Variants in CNGB3 observed in about 807,000 individuals in gnomAD.
CNGB3 encodes the protein cyclic nucleotide-gated channel beta-3.
Under a neutral mutation model 92.8 loss-of-function variants are expected in CNGB3, and 86 were observed. The observed-to-expected ratio is 0.93, with a 90% confidence interval of 0.78 to 1.11. The LOEUF (loss-of-function observed/expected upper bound fraction) is 1.11, where lower values mean the gene tolerates loss of function less well. Ranked by LOEUF, CNGB3 falls within the 50% of genes least tolerant of loss-of-function variation. CNGB3 has a pLI of 0.00. For missense variants in CNGB3, 1,026 were observed against 956.8 expected, an observed-to-expected ratio of 1.07 and a Z score of -0.95; for synonymous variants, 333 against 332.7, an observed-to-expected ratio of 1.00 and a Z score of -0.01.
chr8:86,579,126 C>A lies in CNGB3; in HGVS notation c.1908G>T (p.Arg636Ser), dbSNP rs546000013. 4.5e-5 allele frequency: 73 copies of A among 1,614,140 alleles called. 2 individuals carry two copies. The South Asian group carries it at 7.7e-4, about 17-fold the overall frequency. The change falls in exon 16 of 18, where the codon AGG (arginine) becomes AGT (serine). Residue 636 changes from arginine (R) to serine (S), a missense_variant. By Grantham distance (110) the Arg-to-Ser change is moderately radical. Transcript: ENST00000320005. ...EILVHYPDSE[R>S]ILMKKARVLL... ...TGTACCTGGCTTTCTTCATGAGGAT[C>A]CTTTCAGAATCTGGATAATGCACTA...
chr8:86,657,874 C>T lies in CNGB3; in HGVS notation c.853-3812G>A, dbSNP rs184092186. 5.0e-4 allele frequency: 271 copies of T among 538,532 alleles called. 2 individuals are homozygous for T. Among genetic ancestry groups the T allele is most frequent in the African/African-American group, 4.0e-3 (210 of 52,446 alleles). The allele number at this position is 538,532 out of a possible 1,614,324, so 33.4% of individuals were successfully genotyped here. A position where few individuals can be genotyped will look rare whatever the true frequency, so the allele number is the denominator to read the frequency against. The stretch of plus-strand genomic sequence containing the variant: ...TGGTACAGTGTGATGTACTTTCCTG[C>T]GGGAGGACAGGGTTCAGACGCTGGG... On this transcript the variant is annotated intron_variant, in intron 6 of 17. Transcript: ENST00000320005.
At chr8:86,688,978 G>A (rs1402716482) in intron 3 of CNGB3, among the ~76,000 whole-genome samples, 1 of 150,280 alleles carries the variant, frequency 6.7e-6, no homozygotes, top group Non-Finnish European at 1.5e-5. Context: ...ACGGGTCTTG[G>A]TATGTTGTGT....
chr8:86,689,623 A>G (rs1182431896), intron 3 of CNGB3, among the ~76,000 whole-genome samples: 2 of 151,556 alleles, frequency 1.3e-5, no homozygotes, highest in Non-Finnish European at 2.9e-5. Flanking sequence ...CAGGTTTGTT[A>G]CATATGTATA....
At chr8:86,727,381 G>A (rs997261841) in intron 2 of CNGB3, among the ~76,000 whole-genome samples, 2 of 152,092 alleles carry the variant, frequency 1.3e-5, no homozygotes, top group Non-Finnish European at 2.9e-5. Context: ...AGGAAAAAAT[G>A]TGATTGACAT....
At chr8:86,629,821 G>A (rs1413346358) in intron 11 of CNGB3, among the ~76,000 whole-genome samples, 1 of 152,072 alleles carries the variant, frequency 6.6e-6, no homozygotes, top group Non-Finnish European at 1.5e-5. Context: ...GTTAAAAGCT[G>A]ATCTTTAAGG....
intron 3 of CNGB3, among the ~76,000 whole-genome samples, chr8:86,720,837 TATACACACACACAC>T (rs1563766059): frequency 6.1e-5 from 2 of 32,876 alleles, no homozygotes; most frequent in Non-Finnish European, 1.2e-4. Flanking sequence ...TATATATATG[TATACACACACACAC>T]ACACACACAC....
chr8:86,707,834 T>C (rs1308849297), intron 3 of CNGB3: 2 of 152,086 alleles, frequency 1.3e-5, no homozygotes, highest in Non-Finnish European at 2.9e-5. Flanking sequence ...TACGGCAAAG[T>C]CTAGATATAA....
intron 3 of CNGB3, among the ~76,000 whole-genome samples, chr8:86,712,803 C>T (rs1174061624): frequency 5.6e-5 from 8 of 143,342 alleles, no homozygotes; most frequent in Non-Finnish European, 7.5e-5. Flanking sequence ...GTTGCCTAGG[C>T]GGGCCTTGAA....
chr8:86,704,104 T>A (rs1304114889), intron 3 of CNGB3: 3 of 152,200 alleles, frequency 2.0e-5, no homozygotes, highest in African/African-American at 7.2e-5. Context: ...AAGCCTTACT[T>A]GTTCATATGG....
chr8:86,586,789 A>G (rs1463978361), intron 15 of CNGB3, among the ~76,000 whole-genome samples: 2 of 144,792 alleles, frequency 1.4e-5, no homozygotes, highest in African/African-American at 5.3e-5. Flanking sequence ...TAGTGCCGCA[A>G]TAAACATACG....
At chr8:86,701,707 T>G (rs1018079024) in intron 3 of CNGB3, among the ~76,000 whole-genome samples, 4 of 152,210 alleles carry the variant, frequency 2.6e-5, no homozygotes, top group African/African-American at 9.6e-5. Flanking sequence ...CAATCACTAT[T>G]ATACTATCTC....
chr8:86,665,215 G>A (rs1449992261), intron 6 of CNGB3, among the ~76,000 whole-genome samples: 1 of 152,084 alleles, frequency 6.6e-6, no homozygotes, highest in Admixed American at 6.5e-5. Context: ...ACCACAATGA[G>A]ATACCATCTC....
chr8:86,673,456 G>A (rs1429231036), intron 3 of CNGB3, among the ~76,000 whole-genome samples: 1 of 152,154 alleles, frequency 6.6e-6, no homozygotes, highest in East Asian at 1.9e-4. Context: ...GGTGGCAGGA[G>A]TGATGGTGGT....
intron 2 of CNGB3, among the ~76,000 whole-genome samples, chr8:86,732,923 G>C (rs1290305895): frequency 1.3e-5 from 2 of 152,180 alleles, no homozygotes; most frequent in Non-Finnish European, 2.9e-5. Context: ...GGGGATGCAT[G>C]TGTGTGTTTG....
At chr8:86,667,171 G>A (rs1168811004) in intron 5 of CNGB3, 38 bp from the exon 6 acceptor site, 21 of 1,555,418 alleles carry the variant, frequency 1.4e-5, no homozygotes, top group Non-Finnish European at 1.9e-5. Context: ...AAATGACATA[G>A]AACAAACACA....
intron 3 of CNGB3, among the ~76,000 whole-genome samples, chr8:86,703,733 T>C (rs1824599270): frequency 6.6e-6 from 1 of 152,206 alleles, no homozygotes; most frequent in Non-Finnish European, 1.5e-5. Flanking sequence ...AGGGAGCTTG[T>C]ACAACCAAGT....
rs545707039 is a variant in CNGB3, at chr8:86,711,753, C to T, written c.338+14778G>A. On this transcript the variant is annotated intron_variant, in intron 3 of 17. Transcript: ENST00000320005. ...TCATCTTGGTACATCTAGTTTTTGG[C>T]AGCATTATTAATGACTTTTAAGGAT... Among the ~76,000 whole-genome samples, 7 of 151,962 alleles carry T rather than the reference C, an allele frequency of 4.6e-5. No individual in the cohort carries two copies. In the East Asian group the frequency reaches 1.2e-3, roughly 25 times the overall value.
At chr8:86,739,050 C>T (rs1825294166) in intron 2 of CNGB3, among the ~76,000 whole-genome samples, 1 of 152,084 alleles carries the variant, frequency 6.6e-6, no homozygotes, top group African/African-American at 2.4e-5. Context: ...TAGTTTTAGA[C>T]ATGCTTTCTT....
At chr8:86,700,857 C>T (rs911199137) in intron 3 of CNGB3, among the ~76,000 whole-genome samples, 7 of 152,134 alleles carry the variant, frequency 4.6e-5, no homozygotes, top group Non-Finnish European at 1.0e-4. Context: ...CCAGGCTGGT[C>T]TTGAGCTCCT....
Sources: allele counts gnomAD v4.1 joint callset (sites outside exome capture counted in the v4.1 genomes callset), GRCh38; gene constraint gnomAD v4.1.1; transcripts MANE v1.5; gene names NCBI Gene and HGNC (gene_info 2026-07-23, HGNC 2026-07-21).